Variants in ALMS1 observed in about 807,000 individuals in gnomAD.
ALMS1 encodes the protein ALMS1 centrosome and basal body associated protein, also known as centrosome-associated protein ALMS1.
In ALMS1, 271 loss-of-function variants were observed where a neutral mutation model predicts 352.2. That is an observed-to-expected ratio of 0.77 (90% CI 0.70 to 0.85). ALMS1 has a LOEUF of 0.85. ALMS1 is among the 40% of genes least tolerant of loss of function. The probability of loss-of-function intolerance (pLI) is 0.00; values close to 1 mark genes in which losing one functional copy is unlikely to be tolerated. For synonymous variants in ALMS1, 1,865 were observed against 1,761.2 expected, an observed-to-expected ratio of 1.06 and a Z score of -1.48; for missense variants, 5,445 against 4,870.7, an observed-to-expected ratio of 1.12 and a Z score of -3.51.
intron 15 of ALMS1, among the ~76,000 whole-genome samples, chr2:73,569,090 C>T (rs1338306914): frequency 7.1e-6 from 1 of 139,952 alleles, no homozygotes; most frequent in African/African-American, 2.6e-5. Context: ...TCTTGACTCA[C>T]TGCAACCTCC....
At chr2:73,486,011 G>A (rs913958311) in intron 9 of ALMS1, among the ~76,000 whole-genome samples, 1 of 152,010 alleles carries the variant, frequency 6.6e-6, no homozygotes, top group Non-Finnish European at 1.5e-5. Context: ...ACCTCAGATG[G>A]AAGTGCAGAA....
At position 73,519,801 on chromosome 2, in the gene ALMS1, T is replaced by C. The variant is rs1572991329; in HGVS notation, c.9566T>C (p.Leu3189Pro). 3 of 1,614,062 alleles carry C rather than the reference T, an allele frequency of 1.9e-6. No homozygotes were observed. Among genetic ancestry groups the C allele is most frequent in the Non-Finnish European group, 2.5e-6 (3 of 1,179,942 alleles). The change falls in exon 11 of 23, where the codon CTT becomes CCT. Residue 3189 changes from leucine to proline, a missense_variant. Physicochemically the swap from Leu to Pro is moderately conservative, Grantham distance 98. Transcript: ENST00000613296. The stretch of plus-strand genomic sequence containing the variant: ...TTACCAGAGAAGATGAAGACCCCAC[T>C]TTCTGCTTTCTCTGAAAAATTGTCA... The part of the protein sequence containing the change: ...DRLPEKMKTP[L>P]SAFSEKLSSD...
intron 16 of ALMS1, among the ~76,000 whole-genome samples, chr2:73,595,387 T>C (rs1227737125): frequency 6.6e-6 from 1 of 152,240 alleles, no homozygotes; most frequent in East Asian, 1.9e-4. Context: ...AGATTTTATG[T>C]ATATAGCATC....
Position 73,572,975 on chromosome 2 carries a change from C to T in ALMS1, c.11098C>T (p.His3700Tyr). ...GCTTAAAAAAAGCAAGGTGCTTTCT[C>T]ATCATCGAGCTGGGAGGTCTAATCA... ...GELKKSKVLS[H>Y]HRAGRSNQIK... Residue 3700 changes from histidine to tyrosine, a missense_variant, in exon 16 of 23, where the codon CAT becomes TAT. By Grantham distance (83) the His-to-Tyr change is moderately conservative. Transcript: ENST00000613296. The T allele has an allele frequency of 6.2e-7, 1 of 1,614,108 alleles. No individual in the cohort carries two copies. Among genetic ancestry groups the T allele is most frequent in the Non-Finnish European group, 8.5e-7 (1 of 1,180,000 alleles).
intron 13 of ALMS1, among the ~76,000 whole-genome samples, chr2:73,555,837 A>T (rs1674529861): frequency 1.3e-5 from 2 of 152,150 alleles, no homozygotes; most frequent in South Asian, 4.1e-4. Flanking sequence ...AAAGACATAT[A>T]TTAATTGACT....
At chr2:73,542,748 T>C (rs775996053) in intron 12 of ALMS1, among the ~76,000 whole-genome samples, 4 of 150,820 alleles carry the variant, frequency 2.7e-5, no homozygotes, top group African/African-American at 7.3e-5. Context: ...AAATCATGAG[T>C]GAACTCCCAT....
At chr2:73,544,829 TA>T (rs969894093) in intron 12 of ALMS1, among the ~76,000 whole-genome samples, 4 of 152,170 alleles carry the variant, frequency 2.6e-5, no homozygotes, top group African/African-American at 9.7e-5. Flanking sequence ...TATGAATGGA[TA>T]ACAAAATGTG....
Position 73,392,260 on chromosome 2 carries a change from ATGTGTGTGTGTGTG to A in ALMS1, c.324+6092_324+6105del, listed in dbSNP as rs60487895. On this transcript the variant is annotated intron_variant, in intron 1 of 22. Coordinates refer to ENST00000613296, the MANE Select transcript of ALMS1 (RefSeq NM_001378454.1). ...TTACTATTTCCTTAGGTTTACTTTG[ATGTGTGTGTGTGTG>A]TGTGTGTGTGTGTGTGTGTGTGTAT... 1.0e-4 allele frequency among the ~76,000 whole-genome samples: 15 copies of A among 146,356 alleles called. No homozygotes were observed. In the South Asian group the frequency reaches 1.3e-3, roughly 13 times the overall value.
At chr2:73,573,693 G>A (rs1485513923) in intron 16 of ALMS1, 4 of 606,846 alleles carry the variant, frequency 6.6e-6, no homozygotes, top group Non-Finnish European at 1.2e-5. Context: ...TGAAATGGGG[G>A]AGCTTTGAGG....
At chr2:73,536,745 G>C (rs1179642471) in intron 12 of ALMS1, among the ~76,000 whole-genome samples, 1 of 152,126 alleles carries the variant, frequency 6.6e-6, no homozygotes, top group African/African-American at 2.4e-5. Context: ...TAATAGAACT[G>C]ATGCAAACAA....
chr2:73,391,273 C>A (rs1184387570), intron 1 of ALMS1, among the ~76,000 whole-genome samples: 1 of 148,746 alleles, frequency 6.7e-6, no homozygotes, highest in Admixed American at 6.7e-5. Context: ...ATTTTTTTAA[C>A]CTATTCATAT....
intron 7 of ALMS1, among the ~76,000 whole-genome samples, chr2:73,438,027 A>G (rs1038698242): frequency 2.6e-5 from 4 of 152,090 alleles, no homozygotes; most frequent in Non-Finnish European, 5.9e-5. Context: ...GTTCCCATGT[A>G]CAATCCCTGT....
Position 73,451,519 on chromosome 2 carries a change from C to G in ALMS1, c.4992C>G (p.Ser1664Arg). The G allele has an allele frequency of 6.2e-7, 1 of 1,614,006 alleles. No homozygotes were observed. The highest frequency in any genetic ancestry group is 8.5e-7 in the Non-Finnish European group (1 of 1,179,972). Residue 1664 changes from serine (S) to arginine (R), a missense_variant, in exon 8 of 23, where the codon AGC (serine) becomes AGG (arginine). Transcript: ENST00000613296. ...AGACATTACCAGTACATTCTACTAGCTACTCAAATAGGGGGAAGCCTGTCA... is the reference window on the plus strand; with the variant it reads ...AGACATTACCAGTACATTCTACTAGGTACTCAAATAGGGGGAAGCCTGTCA... ...KTETLPVHST[S>R]YSNRGKPVIF...
At chr2:73,395,418 C>G (rs565408650) in intron 1 of ALMS1, among the ~76,000 whole-genome samples, 17 of 151,944 alleles carry the variant, frequency 1.1e-4, no homozygotes, top group African/African-American at 1.9e-4. Context: ...TGTATGTGGT[C>G]TGTAGTTGAT....
chr2:73,546,383 T>A (rs79944875), intron 12 of ALMS1, among the ~76,000 whole-genome samples: 6,247 of 152,256 alleles, frequency 0.041, 465 homozygotes, highest in African/African-American at 0.14. Context: ...GATGGGAAGC[T>A]GTCAGCTCAC....
At chr2:73,388,159 C>T (rs891753043) in intron 1 of ALMS1, among the ~76,000 whole-genome samples, 1 of 152,142 alleles carries the variant, frequency 6.6e-6, no homozygotes, top group Non-Finnish European at 1.5e-5. Context: ...ATAATTAAAG[C>T]CACACTTGTT....
rs149239794 is a variant in ALMS1 at position 73,432,310 on chromosome 2, T to C, written c.1432+19T>C. 4 of 1,562,826 alleles carry C rather than the reference T, an allele frequency of 2.6e-6. No individual in the cohort carries two copies. In the African/African-American group the frequency reaches 5.4e-5, roughly 21 times the overall value. On this transcript the variant is annotated intron_variant, in intron 7 of 22. Coordinates refer to ENST00000613296, the MANE Select transcript of ALMS1 (RefSeq NM_001378454.1). ...AAAGCAGGTACGTAGAAAAAGGAGATAGTAAATGTCCTACTTACGGATACC... is the reference window on the plus strand; with the variant it reads ...AAAGCAGGTACGTAGAAAAAGGAGACAGTAAATGTCCTACTTACGGATACC...
intron 16 of ALMS1, among the ~76,000 whole-genome samples, chr2:73,577,620 G>A (rs948269147): frequency 1.3e-5 from 2 of 151,896 alleles, no homozygotes; most frequent in African/African-American, 4.8e-5. Context: ...GTTTTGGTAT[G>A]TTTGTCTTCT....
At chr2:73,501,656 T>G (rs1336760729) in intron 10 of ALMS1, among the ~76,000 whole-genome samples, 3 of 152,168 alleles carry the variant, frequency 2.0e-5, no homozygotes, top group African/African-American at 7.2e-5. Flanking sequence ...TTCTTTTTAT[T>G]TATCTTTACA....
Sources: allele counts gnomAD v4.1 joint callset (sites outside exome capture counted in the v4.1 genomes callset), GRCh38; gene constraint gnomAD v4.1.1; transcripts MANE v1.5; gene names NCBI Gene and HGNC (gene_info 2026-07-23, HGNC 2026-07-21).